The following SUGCT variants were observed in gnomAD, a reference collection of about 807,000 sequenced individuals.
The protein encoded by SUGCT is succinyl-CoA:glutarate CoA-transferase.
SUGCT carries 41 observed loss-of-function variants against 55.0 expected under a neutral mutation model. The ratio of observed to expected loss-of-function variants is 0.74; its 90% confidence interval spans 0.58 to 0.97. SUGCT has a LOEUF of 0.97. Ranked by LOEUF, SUGCT falls within the 50% of genes least tolerant of loss-of-function variation. SUGCT has a pLI of 0.00. For missense variants in SUGCT, 568 were observed against 547.8 expected (o/e 1.04, Z -0.37); for synonymous variants, 187 against 200.4 (o/e 0.93, Z 0.56).
chr7:40,955,841 G>T, the SUGCT span, among the ~76,000 whole-genome samples: 1 of 151,998 alleles, frequency 6.6e-6, no homozygotes, highest in Non-Finnish European at 1.5e-5. Flanking sequence ...TAGCATGAAG[G>T]GTGTTGAATT....
At chr7:40,229,216 T>TAATTCTTTTTAAATTATTCTTTA (rs1788566863) in intron 6 of SUGCT, among the ~76,000 whole-genome samples, 1 of 151,984 alleles carries the variant, frequency 6.6e-6, no homozygotes, top group Admixed American at 6.6e-5. Context: ...GATAAGAAAA[T>TAATTCTTTTTAAATTATTCTTTA]AAATATTAAA....
chr7:40,159,411 G>A (rs1421725975), intron 1 of SUGCT, among the ~76,000 whole-genome samples: 1 of 151,692 alleles, frequency 6.6e-6, no homozygotes, highest in African/African-American at 2.4e-5. Flanking sequence ...TCGCTGTGTT[G>A]CCAGGCTGGA....
intron 10 of SUGCT, among the ~76,000 whole-genome samples, chr7:40,454,083 C>T (rs1253830513): frequency 1.3e-5 from 2 of 152,006 alleles, no homozygotes. Flanking sequence ...AAAGATAGAT[C>T]AATAGAAATT....
intron 1 of SUGCT, among the ~76,000 whole-genome samples, chr7:40,145,939 C>A (rs1179716626): frequency 6.6e-6 from 1 of 152,216 alleles, no homozygotes; most frequent in Admixed American, 6.5e-5. Context: ...AAGGGAGTTC[C>A]TCCAAGGTCT....
intron 13 of SUGCT, among the ~76,000 whole-genome samples, chr7:40,823,073 G>A (rs1277824830): frequency 6.6e-6 from 1 of 152,082 alleles, no homozygotes; most frequent in Non-Finnish European, 1.5e-5. Flanking sequence ...ACCATAGCAG[G>A]CAAACCCTCA....
At chr7:40,889,319 G>A in the SUGCT span, among the ~76,000 whole-genome samples, 1 of 152,168 alleles carries the variant, frequency 6.6e-6, no homozygotes, top group African/African-American at 2.4e-5. Context: ...TTCCCTGGGA[G>A]GACTGCTAGT....
intron 12 of SUGCT, among the ~76,000 whole-genome samples, chr7:40,729,672 G>A (rs1405813408): frequency 6.6e-6 from 1 of 152,138 alleles, no homozygotes; most frequent in Non-Finnish European, 1.5e-5. Flanking sequence ...CTAAATTTTG[G>A]ACTTTATCTT....
chr7:40,830,757 T>C (rs914509793), intron 13 of SUGCT, among the ~76,000 whole-genome samples: 9 of 152,234 alleles, frequency 5.9e-5, no homozygotes, highest in Non-Finnish European at 1.3e-4. Context: ...TGTTGATTCA[T>C]TGCTACCAGC....
chr7:41,019,481 T>G, the SUGCT span, among the ~76,000 whole-genome samples: 2 of 152,240 alleles, frequency 1.3e-5, no homozygotes, highest in African/African-American at 2.4e-5. Context: ...TAAACACACA[T>G]GCATTTTGGA....
At chr7:40,233,387 T>G (rs561402078) in intron 6 of SUGCT, among the ~76,000 whole-genome samples, 1 of 152,128 alleles carries the variant, frequency 6.6e-6, no homozygotes, top group Non-Finnish European at 1.5e-5. Context: ...GCCTGGCTAA[T>G]TTTTTGTATC....
chr7:40,688,198 A>C lies in SUGCT; in HGVS notation c.1090-61236A>C, dbSNP rs115601889. ...AATCAGTCTTGGCCCAACAGCTTCA[A>C]CTTTCTTCCATGTGACAATGTTGCA... is the stretch of plus-strand genomic sequence containing the variant. On this transcript the variant is annotated intron_variant, in intron 12 of 13. Coordinates refer to ENST00000335693, the MANE Select transcript of SUGCT (RefSeq NM_001193313.2). Among the ~76,000 whole-genome samples the C allele has an allele frequency of 9.0e-3, 1,375 of 152,284 alleles. 18 individuals are homozygous for C. Among genetic ancestry groups the C allele is most frequent in the African/African-American group, 0.031 (1,280 of 41,562 alleles).
chr7:40,182,395 C>T (rs559037273), intron 3 of SUGCT, among the ~76,000 whole-genome samples: 5 of 151,720 alleles, frequency 3.3e-5, no homozygotes, highest in Non-Finnish European at 7.4e-5. Context: ...GGTGAAACCT[C>T]TTCTCTACTA....
At chr7:40,513,452 C>A (rs985621653) in intron 12 of SUGCT, among the ~76,000 whole-genome samples, 1 of 152,134 alleles carries the variant, frequency 6.6e-6, no homozygotes, top group African/African-American at 2.4e-5. Context: ...CATTTAGGAT[C>A]ATAAAACTTG....
At chr7:40,877,280 G>A in the SUGCT span, among the ~76,000 whole-genome samples, 1 of 152,154 alleles carries the variant, frequency 6.6e-6, no homozygotes, top group African/African-American at 2.4e-5. Context: ...ATACCCAAAT[G>A]CGTGTCTGTA....
At chr7:40,515,846 C>T (rs1338606859) in intron 12 of SUGCT, among the ~76,000 whole-genome samples, 2 of 152,202 alleles carry the variant, frequency 1.3e-5, no homozygotes, top group Non-Finnish European at 2.9e-5. Context: ...AGTGGAATTA[C>T]TGGGGCATAT....
the SUGCT span, among the ~76,000 whole-genome samples, chr7:40,941,950 AAG>A: frequency 2.0e-5 from 3 of 152,078 alleles, no homozygotes; most frequent in African/African-American, 7.2e-5. Context: ...TTGAATCTAT[AAG>A]AGTCTTTATG....
At chr7:40,655,774 A>G (rs1800989625) in intron 12 of SUGCT, among the ~76,000 whole-genome samples, 1 of 152,188 alleles carries the variant, frequency 6.6e-6, no homozygotes, top group Non-Finnish European at 1.5e-5. Context: ...CATTTCAAGA[A>G]CTGTATTAAA....
At chr7:40,538,063 T>C (rs1316289950) in intron 12 of SUGCT, 2 of 152,212 alleles carry the variant, frequency 1.3e-5, no homozygotes, top group Non-Finnish European at 2.9e-5. Flanking sequence ...TGCATTCATC[T>C]GTAGGTGAGC....
intron 8 of SUGCT, among the ~76,000 whole-genome samples, chr7:40,275,231 A>G (rs554832949): frequency 6.6e-6 from 1 of 152,130 alleles, no homozygotes; most frequent in South Asian, 2.1e-4. Flanking sequence ...AAGACAAGAG[A>G]TATGGTTGCT....
Sources: allele counts gnomAD v4.1 joint callset (sites outside exome capture counted in the v4.1 genomes callset), GRCh38; gene constraint gnomAD v4.1.1; transcripts MANE v1.5; gene names NCBI Gene and HGNC (gene_info 2026-07-23, HGNC 2026-07-21).